Variants in RERG observed in about 807,000 individuals in gnomAD.
RERG encodes RAS like estrogen regulated growth inhibitor.
In RERG, 25 loss-of-function variants were observed where a neutral mutation model predicts 23.2. The observed-to-expected ratio is 1.08, with a 90% CI of 0.79 to 1.50. The LOEUF (loss-of-function observed/expected upper bound fraction) is 1.50. Ranked by LOEUF, RERG falls within the 40% of genes most tolerant of loss-of-function variation. RERG has a pLI of 0.00. For missense variants in RERG, 253 were observed against 250.1 expected (o/e 1.01, Z -0.08); for synonymous variants, 81 against 89.1 (o/e 0.91, Z 0.51).
At chr12:15,178,920 C>T (rs1050909107) in intron 2 of RERG, among the ~76,000 whole-genome samples, 1 of 152,152 alleles carries the variant, frequency 6.6e-6, no homozygotes, top group African/African-American at 2.4e-5. Flanking sequence ...AGGAAGTGAG[C>T]ATTTAAAGTA....
chr12:15,147,906 T>A (rs1190958539), intron 2 of RERG, among the ~76,000 whole-genome samples: 1 of 152,208 alleles, frequency 6.6e-6, no homozygotes, highest in Non-Finnish European at 1.5e-5. Context: ...ATGTAAAACA[T>A]ATATCAGATT....
At chr12:15,220,089 CAA>C (rs1456445299) in intron 1 of RERG, among the ~76,000 whole-genome samples, 1 of 152,118 alleles carries the variant, frequency 6.6e-6, no homozygotes, top group Non-Finnish European at 1.5e-5. Flanking sequence ...AGATAGAAAA[CAA>C]AAATAAATAT....
intron 2 of RERG, among the ~76,000 whole-genome samples, chr12:15,145,254 T>C (rs921975196): frequency 6.6e-6 from 1 of 152,162 alleles, no homozygotes; most frequent in African/African-American, 2.4e-5. Flanking sequence ...GGGAGATAAA[T>C]TTTGGTGTGG....
At chr12:15,119,340 CTAAT>C (rs1368919474) in intron 3 of RERG, among the ~76,000 whole-genome samples, 1 of 151,916 alleles carries the variant, frequency 6.6e-6, no homozygotes, top group Non-Finnish European at 1.5e-5. Flanking sequence ...TAAACTAAGA[CTAAT>C]TAAGAATAAT....
At chr12:15,170,063 C>A (rs530739732) in intron 2 of RERG, among the ~76,000 whole-genome samples, 30 of 151,814 alleles carry the variant, frequency 2.0e-4, no homozygotes, top group African/African-American at 2.2e-4. Context: ...TAAAACCCGC[C>A]AGATTCAAAG....
At chr12:15,130,854 C>T (rs1268817967) in intron 2 of RERG, among the ~76,000 whole-genome samples, 1 of 151,956 alleles carries the variant, frequency 6.6e-6, no homozygotes, top group Non-Finnish European at 1.5e-5. Flanking sequence ...TAGGGAAACA[C>T]TTTTGTTTTT....
At chr12:15,165,999 T>C (rs577333811) in intron 2 of RERG, among the ~76,000 whole-genome samples, 6 of 152,230 alleles carry the variant, frequency 3.9e-5, no homozygotes, top group African/African-American at 1.2e-4. Flanking sequence ...CTGGGAGAGG[T>C]TGTGCAGGTT....
chr12:15,165,240 G>A (rs1864670372), intron 2 of RERG, among the ~76,000 whole-genome samples: 1 of 152,034 alleles, frequency 6.6e-6, no homozygotes. Flanking sequence ...ACGGATTTCT[G>A]CCTCTGCATG....
chr12:15,168,887 T>C (rs977465687), intron 2 of RERG, among the ~76,000 whole-genome samples: 2 of 152,238 alleles, frequency 1.3e-5, no homozygotes, highest in African/African-American at 2.4e-5. Context: ...CTCAAGTACA[T>C]AGTGAGGAGC....
chr12:15,154,719 G>A (rs1015199328), intron 2 of RERG, among the ~76,000 whole-genome samples: 46 of 152,314 alleles, frequency 3.0e-4, no homozygotes, highest in Non-Finnish European at 6.2e-4. Flanking sequence ...GTTGAAATTT[G>A]TCTCAATCTC....
intron 2 of RERG, among the ~76,000 whole-genome samples, chr12:15,199,733 A>C (rs1470937873): frequency 6.6e-6 from 1 of 152,050 alleles, no homozygotes; most frequent in East Asian, 1.9e-4. Flanking sequence ...CGGGGATTTG[A>C]AAATTATACA....
intron 2 of RERG, among the ~76,000 whole-genome samples, chr12:15,145,528 C>A (rs1864317661): frequency 6.6e-6 from 1 of 152,234 alleles, no homozygotes; most frequent in Non-Finnish European, 1.5e-5. Flanking sequence ...GTGTCCGATG[C>A]TAGCTCCCTG....
At chr12:15,217,684 A>T (rs1208090974) in intron 1 of RERG, 81 bp from the exon 2 acceptor site, 2 of 527,560 alleles carry the variant, frequency 3.8e-6, no homozygotes, top group Non-Finnish European at 6.8e-6. Flanking sequence ...TATGCCAGCC[A>T]CCATTCACTT....
intron 2 of RERG, among the ~76,000 whole-genome samples, chr12:15,138,615 T>C (rs1864182643): frequency 6.6e-6 from 1 of 152,076 alleles, no homozygotes. Flanking sequence ...TTTTTTCCAG[T>C]AGAGACTTTG....
At chr12:15,218,623 G>A (rs1019776900) in intron 1 of RERG, among the ~76,000 whole-genome samples, 3 of 151,710 alleles carry the variant, frequency 2.0e-5, no homozygotes, top group South Asian at 2.1e-4. Flanking sequence ...GTCTCCCTGC[G>A]GCTTCTACTC....
chr12:15,205,909 T>C (rs1021337336), intron 2 of RERG, among the ~76,000 whole-genome samples: 2 of 152,074 alleles, frequency 1.3e-5, no homozygotes, highest in Non-Finnish European at 2.9e-5. Context: ...ATATCATTTT[T>C]CCAAATACTG....
intron 2 of RERG, among the ~76,000 whole-genome samples, chr12:15,202,724 T>C (rs551505089): frequency 1.3e-5 from 2 of 151,870 alleles, no homozygotes; most frequent in Admixed American, 6.6e-5. Flanking sequence ...ATCATTCCCA[T>C]AGCTTGGCTA....
chr12:15,179,488 C>A (rs1402159681), intron 2 of RERG, among the ~76,000 whole-genome samples: 2 of 152,186 alleles, frequency 1.3e-5, no homozygotes, highest in African/African-American at 4.8e-5. Flanking sequence ...ATCTCCCACC[C>A]CACAGTGCTG....
chr12:15,107,797 AATT>A lies in RERG; in HGVS notation c.*1310_*1312del, dbSNP rs1485280271. ...TTACCCAAATATGACAGAATGAGAAAATTATGCTTTTTATTATAGTCACATAAA... is the reference window on the plus strand; with the variant it reads ...TTACCCAAATATGACAGAATGAGAAAATGCTTTTTATTATAGTCACATAAA... On this transcript the variant is annotated 3_prime_UTR_variant, in exon 5 of 5. Coordinates refer to ENST00000256953, the MANE Select transcript of RERG (RefSeq NM_032918.3). 2 of 152,530 alleles carry A rather than the reference AATT, an allele frequency of 1.3e-5. No individual in the cohort carries two copies. Among genetic ancestry groups the A allele is most frequent in the African/African-American group, 4.8e-5 (2 of 41,444 alleles). The allele number at this position is 152,530 out of a possible 1,614,324, so 9.4% of individuals were successfully genotyped here.
Sources: allele counts gnomAD v4.1 joint callset (sites outside exome capture counted in the v4.1 genomes callset), GRCh38; gene constraint gnomAD v4.1.1; transcripts MANE v1.5; gene names NCBI Gene and HGNC (gene_info 2026-07-23, HGNC 2026-07-21).